The following TNR variants were observed in gnomAD, a reference collection of about 807,000 sequenced individuals.
TNR encodes tenascin R, also known as tenascin-R.
A neutral mutation model predicts 150.4 loss-of-function variants in TNR; 45 were observed. The observed-to-expected ratio is 0.30, with a 90% CI of 0.24 to 0.38. The LOEUF (loss-of-function observed/expected upper bound fraction) is 0.38. TNR is among the 10% of genes least tolerant of loss of function. The pLI, the probability that TNR is intolerant of heterozygous loss-of-function variation, is 1.00. For synonymous variants in TNR, 687 were observed against 678.4 expected (o/e 1.01, Z -0.20); for missense variants, 1,544 against 1,759.1 (o/e 0.88, Z 2.19).
intron 2 of TNR, among the ~76,000 whole-genome samples, chr1:175,492,185 T>C (rs1426433827): frequency 6.6e-6 from 1 of 152,194 alleles, no homozygotes. Flanking sequence ...TCTTCAGTCT[T>C]TCCCCCCTCT....
intron 18 of TNR, among the ~76,000 whole-genome samples, chr1:175,339,744 G>A (rs1409520395): frequency 1.3e-5 from 2 of 152,090 alleles, no homozygotes; most frequent in African/African-American, 4.8e-5. Context: ...CTTCTTGAAG[G>A]AGCCAGAACC....
chr1:175,370,526 T>C (rs1215494499), intron 9 of TNR, among the ~76,000 whole-genome samples: 2 of 151,944 alleles, frequency 1.3e-5, no homozygotes, highest in African/African-American at 4.8e-5. Flanking sequence ...GTGAGGACCT[T>C]CTCCCTGGCT....
intron 2 of TNR, among the ~76,000 whole-genome samples, chr1:175,443,187 C>A (rs764108538): frequency 1.3e-5 from 2 of 151,984 alleles, no homozygotes; most frequent in African/African-American, 4.8e-5. Flanking sequence ...TACTTTATGC[C>A]GCAATAGAAA....
At chr1:175,683,160 C>G (rs559039582) in intron 1 of TNR, among the ~76,000 whole-genome samples, 13 of 152,244 alleles carry the variant, frequency 8.5e-5, no homozygotes, top group African/African-American at 3.1e-4. Context: ...GGAGGATCTG[C>G]TTAGAGCCAG....
At chr1:175,491,642 CTTTTTTTTT>C (rs60469855) in intron 2 of TNR, among the ~76,000 whole-genome samples, 3 of 85,162 alleles carry the variant, frequency 3.5e-5, no homozygotes, top group Admixed American at 1.5e-4. Context: ...CAGGCCCAGA[CTTTTTTTTT>C]TTTTTTTTTT....
At chr1:175,674,542 A>G (rs1558066807) in intron 1 of TNR, among the ~76,000 whole-genome samples, 1 of 152,192 alleles carries the variant, frequency 6.6e-6, no homozygotes, top group Non-Finnish European at 1.5e-5. Flanking sequence ...CACATGCCCC[A>G]TACTGGCCTT....
At chr1:175,437,453 T>C (rs141507245) in intron 2 of TNR, among the ~76,000 whole-genome samples, 33,978 of 151,920 alleles carry the variant, frequency 0.22, 4,584 homozygotes, top group African/African-American at 0.37. Flanking sequence ...CACCCTAACA[T>C]CACAATTAAA....
intron 9 of TNR, among the ~76,000 whole-genome samples, chr1:175,371,021 C>T: frequency 6.7e-6 from 1 of 149,814 alleles, no homozygotes; most frequent in East Asian, 2.0e-4. Flanking sequence ...TTCCATGCTA[C>T]AAGTGAATTG....
rs185509912 is a variant in TNR, at chr1:175,707,734, G to A, written c.-165+35492C>T. ...GTAAGTAATTAATCAGAAATTATTC[G>A]GAAGGTTTATTATGAGGCCAATAGT... On this transcript the variant is annotated intron_variant, in intron 1 of 22. Coordinates refer to ENST00000367674, the MANE Select transcript of TNR (RefSeq NM_003285.3). Among the ~76,000 whole-genome samples the A allele has an allele frequency of 1.0e-3, 152 of 152,144 alleles. 1 individual carries two copies. The highest frequency in any genetic ancestry group is 3.4e-3 in the African/African-American group (143 of 41,486).
intron 1 of TNR, among the ~76,000 whole-genome samples, chr1:175,731,741 G>A (rs1335989810): frequency 6.6e-6 from 1 of 152,142 alleles, no homozygotes; most frequent in Non-Finnish European, 1.5e-5. Context: ...AGACTGGCAT[G>A]GGTTCTCAGC....
At chr1:175,546,638 A>C (rs950678881) in intron 1 of TNR, among the ~76,000 whole-genome samples, 1 of 152,146 alleles carries the variant, frequency 6.6e-6, no homozygotes, top group Admixed American at 6.5e-5. Context: ...AGGCATTTCA[A>C]AGTGTGAGTG....
At chr1:175,520,809 T>A (rs940055294) in intron 2 of TNR, among the ~76,000 whole-genome samples, 29 of 152,210 alleles carry the variant, frequency 1.9e-4, no homozygotes, top group African/African-American at 7.0e-4. Context: ...CCTAGCAGGG[T>A]GCCATGTTCT....
chr1:175,493,474 T>G (rs757607437), intron 2 of TNR, among the ~76,000 whole-genome samples: 3 of 152,180 alleles, frequency 2.0e-5, no homozygotes, highest in Non-Finnish European at 2.9e-5. Flanking sequence ...TCTCTGGCCC[T>G]TGATGTGCTA....
At chr1:175,734,916 G>A (rs1238197944) in intron 1 of TNR, among the ~76,000 whole-genome samples, 1 of 152,236 alleles carries the variant, frequency 6.6e-6, no homozygotes, top group East Asian at 1.9e-4. Flanking sequence ...AGGAAGCCCT[G>A]TATTGATCTG....
chr1:175,552,533 T>TCC (rs1660986355), intron 1 of TNR, among the ~76,000 whole-genome samples: 1 of 152,222 alleles, frequency 6.6e-6, no homozygotes, highest in East Asian at 1.9e-4. Flanking sequence ...ACTGGAACTC[T>TCC]TAGAGGCTGA....
chr1:175,506,293 T>G (rs1386856895), intron 2 of TNR, among the ~76,000 whole-genome samples: 25 of 152,220 alleles, frequency 1.6e-4, no homozygotes, highest in Admixed American at 1.6e-3. Flanking sequence ...GTGTTTCCTG[T>G]TTTCCTTCCA....
chr1:175,388,807 G>T (rs1032356354), intron 7 of TNR, among the ~76,000 whole-genome samples: 35 of 152,112 alleles, frequency 2.3e-4, no homozygotes, highest in African/African-American at 8.2e-4. Context: ...ATTCTGCCTA[G>T]CTTTACCACA....
intron 2 of TNR, among the ~76,000 whole-genome samples, chr1:175,461,704 C>T (rs1177795334): frequency 6.6e-6 from 1 of 152,080 alleles, no homozygotes; most frequent in Admixed American, 6.6e-5. Context: ...TGTCAATTTC[C>T]AGTTTTCTTT....
intron 1 of TNR, among the ~76,000 whole-genome samples, chr1:175,572,637 A>G (rs1661926399): frequency 6.6e-6 from 1 of 152,068 alleles, no homozygotes; most frequent in Admixed American, 6.5e-5. Context: ...AACTTAGAAT[A>G]CATAAAAAAA....
Sources: allele counts gnomAD v4.1 joint callset (sites outside exome capture counted in the v4.1 genomes callset), GRCh38; gene constraint gnomAD v4.1.1; transcripts MANE v1.5; gene names NCBI Gene and HGNC (gene_info 2026-07-23, HGNC 2026-07-21).